B3GALNT2: variants seen among roughly 807,000 people sequenced by gnomAD.
B3GALNT2 encodes UDP-GalNAc:beta-1,3-N-acetylgalactosaminyltransferase 2.
Under a neutral mutation model 61.1 loss-of-function variants are expected in B3GALNT2, and 53 were observed. The observed-to-expected ratio is 0.87, with a 90% CI of 0.70 to 1.09. The LOEUF is 1.09. B3GALNT2 is among the 50% of genes least tolerant of loss of function. The pLI is 0.00. For missense variants in B3GALNT2, 544 were observed against 623.0 expected, an observed-to-expected ratio of 0.87 and a Z score of 1.35; for synonymous variants, 223 against 237.4, an observed-to-expected ratio of 0.94 and a Z score of 0.56.
rs1196724008 is a variant in B3GALNT2, at chr1:235,474,969, ATATATATATATATATATATT to A, written c.652-4029_652-4010del. On this transcript the variant is annotated intron_variant, in intron 5 of 11. Coordinates refer to ENST00000366600, the MANE Select transcript of B3GALNT2 (RefSeq NM_152490.5). ...TAGAGACATATATATATATATATAT[ATATATATATATATATATATT>A]TTTTTTTTTTTTTTTTTTTTTGAGA... Among the ~76,000 whole-genome samples, 156 of 28,776 alleles carry A rather than the reference ATATATATATATATATATATT, an allele frequency of 5.4e-3. 5 individuals are homozygous for A. Among genetic ancestry groups the A allele is most frequent in the South Asian group, 0.026 (22 of 840 alleles). 18.9% of individuals were successfully genotyped at this position (28,776 alleles called of 152,430 possible).
chr1:235,444,644 G>T (rs1040399811), downstream of B3GALNT2, among the ~76,000 whole-genome samples: 1 of 152,128 alleles, frequency 6.6e-6, no homozygotes, highest in African/African-American at 2.4e-5. Flanking sequence ...AGCTCAAGCA[G>T]TTCTCCTGTC....
intron 7 of B3GALNT2, among the ~76,000 whole-genome samples, chr1:235,460,880 C>T (rs542956148): frequency 6.6e-6 from 1 of 152,118 alleles, no homozygotes; most frequent in Non-Finnish European, 1.5e-5. Context: ...AGCCACTATG[C>T]CTGGCCATGA....
At chr1:235,475,971 TGAGACACCACAC>T (rs1190027958) in intron 5 of B3GALNT2, among the ~76,000 whole-genome samples, 1 of 152,060 alleles carries the variant, frequency 6.6e-6, no homozygotes, top group African/African-American at 2.4e-5. Flanking sequence ...AGGATAAGCC[TGAGACACCACAC>T]GTGGCCTGCT....
In B3GALNT2 at chr1:235,504,377, C is replaced by A; in HGVS notation, c.-125G>T. ...CTCCGAGCACGCCCGCCCTCGCGCTCGGCGACGTCTGGGGGGCTCCTCGCA... is the reference window on the plus strand; with the variant it reads ...CTCCGAGCACGCCCGCCCTCGCGCTAGGCGACGTCTGGGGGGCTCCTCGCA... On this transcript the variant is annotated 5_prime_UTR_variant, in exon 1 of 12. Transcript: ENST00000366600. 1 of 1,139,556 alleles carries A rather than the reference C, an allele frequency of 8.8e-7. No individual in the cohort carries two copies. The highest frequency in any genetic ancestry group is 1.2e-6 in the Non-Finnish European group (1 of 856,520). 70.6% of individuals were successfully genotyped at this position (1,139,556 alleles called of 1,614,324 possible).
At chr1:235,474,966 TATATATATATATATATATA>T (rs1558425176) in intron 5 of B3GALNT2, among the ~76,000 whole-genome samples, 2 of 25,958 alleles carry the variant, frequency 7.7e-5, no homozygotes, top group African/African-American at 2.3e-4. Flanking sequence ...TATATATATA[TATATATATATATATATATA>T]TATTTTTTTT....
At position 235,454,155 on chromosome 1, in the gene B3GALNT2, C is replaced by T. The variant is rs1379052702; in HGVS notation, c.1311+1G>A. The T allele has an allele frequency of 1.9e-6, 3 of 1,599,232 alleles. No homozygotes were observed. Among genetic ancestry groups the T allele is most frequent in the Non-Finnish European group, 2.6e-6 (3 of 1,173,334 alleles). On this transcript the variant is annotated splice_donor_variant, in intron 10 of 11. Transcript: ENST00000366600. LOFTEE classifies it high-confidence loss of function. The stretch of plus-strand genomic sequence containing the variant: ...CGCCAAGCTAAGAAATTCTTAATTA[C>T]CTGATAGGTCTTTAACCTCCCCGAG...
At chr1:235,446,368 G>A (rs906576887), downstream of B3GALNT2, among the ~76,000 whole-genome samples, 1 of 152,020 alleles carries the variant, frequency 6.6e-6, no homozygotes, top group Non-Finnish European at 1.5e-5. Flanking sequence ...GTAGAGACGG[G>A]GTTTCTCCAT....
intron 6 of B3GALNT2, among the ~76,000 whole-genome samples, chr1:235,469,890 G>GT (rs910840917): frequency 2.4e-4 from 36 of 150,848 alleles, no homozygotes; most frequent in South Asian, 1.7e-3. Flanking sequence ...ATCTATAGTA[G>GT]TTTTTTTTGT....
At chr1:235,490,695 T>C (rs185606340) in intron 2 of B3GALNT2, among the ~76,000 whole-genome samples, 19 of 152,174 alleles carry the variant, frequency 1.2e-4, no homozygotes, top group African/African-American at 3.8e-4. Flanking sequence ...TTATTAAACA[T>C]AGCCTTTATT....
intron 6 of B3GALNT2, 29 bp downstream of exon 6, chr1:235,470,821 C>T (rs1424957172): frequency 2.0e-5 from 31 of 1,548,332 alleles, no homozygotes; most frequent in Non-Finnish European, 2.7e-5. Flanking sequence ...CTAAAATATG[C>T]AATTAAACCT....
chr1:235,450,133 G>A lies in B3GALNT2; in HGVS notation c.*73C>T. 1.5e-5 allele frequency: 24 copies of A among 1,560,786 alleles called. No homozygotes were observed. The highest frequency in any genetic ancestry group is 1.9e-5 in the Non-Finnish European group (22 of 1,135,074). On this transcript the variant is annotated 3_prime_UTR_variant, in exon 12 of 12. Coordinates refer to ENST00000366600, the MANE Select transcript of B3GALNT2 (RefSeq NM_152490.5). ...ACCATACAGTCTACTGCTAAACCCT[G>A]GGACTCCTCAGACTTGCACTCAGAT... is the stretch of plus-strand genomic sequence containing the variant.
rs1336903365 is a variant in B3GALNT2, at chr1:235,449,122, T to C, written c.*1084A>G. 2 of 283,628 alleles carry C rather than the reference T, an allele frequency of 7.1e-6. No individual in the cohort carries two copies. The highest frequency in any genetic ancestry group is 3.6e-5 in the South Asian group (1 of 27,776). 17.6% of individuals were successfully genotyped at this position (283,628 alleles called of 1,614,324 possible). On this transcript the variant is annotated 3_prime_UTR_variant, in exon 12 of 12. Coordinates refer to ENST00000366600, the MANE Select transcript of B3GALNT2 (RefSeq NM_152490.5). ...AGACTAGTTTTAATGGAATTCTCTA[T>C]TGAAACTACTATTTTAAAGGGTTAC...
In B3GALNT2 at chr1:235,450,362, C is replaced by T. The variant is rs374120625; in HGVS notation, c.1369-22G>A. 3.7e-6 allele frequency: 6 copies of T among 1,612,140 alleles called. No homozygotes were observed. In the African/African-American group the frequency reaches 4.0e-5, roughly 11 times the overall value. On this transcript the variant is annotated intron_variant, in intron 11 of 11. Transcript: ENST00000366600. ...TGTCCTGTTGAGAAACAACCAAAGC[C>T]GATCTGAGAGTGGTGAAACTGTTTT... is the stretch of plus-strand genomic sequence containing the variant.
intron 2 of B3GALNT2, among the ~76,000 whole-genome samples, chr1:235,490,619 G>A (rs1685017927): frequency 6.6e-6 from 1 of 152,172 alleles, no homozygotes; most frequent in Non-Finnish European, 1.5e-5. Flanking sequence ...ACAGCTGTGT[G>A]CTAAAGCCTG....
chr1:235,503,209 GA>G lies in B3GALNT2; in HGVS notation c.112+931del, dbSNP rs200882615. On this transcript the variant is annotated intron_variant, in intron 1 of 11. Coordinates refer to ENST00000366600, the MANE Select transcript of B3GALNT2 (RefSeq NM_152490.5). ...GCTGTTTTGGGGAGAGATGGTAAGG[GA>G]AAAAAGTCCCAGTATAGTTACAAAA... Among the ~76,000 whole-genome samples the G allele has an allele frequency of 5.8e-3, 879 of 152,244 alleles. 13 individuals carry two copies. Among genetic ancestry groups the G allele is most frequent in the African/African-American group, 0.019 (782 of 41,538 alleles).
intron 1 of B3GALNT2, among the ~76,000 whole-genome samples, chr1:235,498,540 A>C (rs1354305469): frequency 6.6e-6 from 1 of 152,168 alleles, no homozygotes; most frequent in Non-Finnish European, 1.5e-5. Flanking sequence ...AGTGATTTCA[A>C]CAAAGTGGCT....
intron 7 of B3GALNT2, among the ~76,000 whole-genome samples, chr1:235,459,552 GT>G (rs1391590170): frequency 6.6e-6 from 1 of 152,162 alleles, no homozygotes; most frequent in African/African-American, 2.4e-5. Flanking sequence ...GAGCCCAGGA[GT>G]TCAAGGCTGC....
chr1:235,482,623 A>G (rs191363292), intron 4 of B3GALNT2, among the ~76,000 whole-genome samples: 12 of 152,202 alleles, frequency 7.9e-5, no homozygotes, highest in Non-Finnish European at 1.0e-4. Context: ...AAAAAAATCA[A>G]TACTCTGAGG....
the B3GALNT2 span, chr1:235,441,752 GT>G: frequency 6.7e-7 from 1 of 1,486,046 alleles, no homozygotes; most frequent in South Asian, 1.1e-5. Flanking sequence ...TTGTTTGTTT[GT>G]TTTGTTTTTA....
Sources: allele counts gnomAD v4.1 joint callset (sites outside exome capture counted in the v4.1 genomes callset), GRCh38; gene constraint gnomAD v4.1.1; transcripts MANE v1.5; gene names NCBI Gene and HGNC (gene_info 2026-07-23, HGNC 2026-07-21).